Variants in USP34 observed in about 807,000 individuals in gnomAD.
USP34 encodes ubiquitin specific peptidase 34.
Under a neutral mutation model 460.3 loss-of-function variants are expected in USP34, and 70 were observed. That is an observed-to-expected ratio of 0.15 (90% CI 0.13 to 0.19). The LOEUF (loss-of-function observed/expected upper bound fraction) is 0.19, where lower values mean the gene tolerates loss of function less well. Among genes scored for constraint, USP34 ranks in the 10% least tolerant of loss-of-function variants. USP34 has a pLI of 1.00. For synonymous variants in USP34, 1,647 were observed against 1,405.3 expected (o/e 1.17, Z -3.85); for missense variants, 3,985 against 4,236.2 (o/e 0.94, Z 1.65).
At position 61,214,184 on chromosome 2, in the gene USP34, G is replaced by A. The variant is rs770092798; in HGVS notation, c.8558C>T (p.Ala2853Val). ...GCAGAGCCTCAGAATGCCATAGTAC[G>A]CTGGCAGCATCCCACGGTTAAAAAG... The part of the protein sequence containing the change: ...VVLFNRGMLP[A>V]YYGILRLCCE... Residue 2853 changes from alanine to valine, a missense_variant, in exon 68 of 80, where the codon GCG becomes GTG. Physicochemically the swap from Ala to Val is moderately conservative, Grantham distance 64. Around this residue, in one of 14 missense-constraint regions of USP34, gnomAD observed 66 missense variants for 121.2 expected, o/e 0.54. Coordinates refer to ENST00000398571, the MANE Select transcript of USP34 (RefSeq NM_014709.4). 5.0e-6 allele frequency: 8 copies of A among 1,614,172 alleles called. No individual in the cohort carries two copies. Among genetic ancestry groups the A allele is most frequent in the East Asian group, 4.5e-5 (2 of 44,886 alleles).
chr2:61,210,345 G>A (rs904306570), intron 69 of USP34, among the ~76,000 whole-genome samples: 2 of 152,004 alleles, frequency 1.3e-5, no homozygotes, highest in African/African-American at 2.4e-5. Context: ...GTTTAAATAC[G>A]TTTAGATACA....
intron 53 of USP34, among the ~76,000 whole-genome samples, chr2:61,239,332 A>T (rs1321774289): frequency 6.6e-6 from 1 of 151,518 alleles, no homozygotes; most frequent in Admixed American, 6.6e-5. Context: ...ACACACACAC[A>T]CACACACACA....
chr2:61,223,210 G>A, intron 63 of USP34, 38 bp downstream of exon 63: 1 of 1,613,230 alleles, frequency 6.2e-7, no homozygotes, highest in South Asian at 1.1e-5. Context: ...TATTATTTTT[G>A]TGATGATCAA....
At position 61,301,415 on chromosome 2, in the gene USP34, T is replaced by C. The variant is rs1350676367; in HGVS notation, c.3857A>G (p.His1286Arg). Reference sequence around the variant, plus strand: ...TTCATCATAATCTGTTGTTAACTCGTGTCCAGATGAAATCATCCTGACAGG... The same window carrying C: ...TTCATCATAATCTGTTGTTAACTCGCGTCCAGATGAAATCATCCTGACAGG... ...MGPVRMISSG[H>R]ELTTDYDEKA... Residue 1286 changes from histidine to arginine, a missense_variant, in exon 28 of 80, where the codon CAC becomes CGC. This residue lies in a region of USP34 where 1,114 missense variants were observed against 1,122.5 expected (regional missense o/e 0.99). Coordinates refer to ENST00000398571, the MANE Select transcript of USP34 (RefSeq NM_014709.4). 6.8e-6 allele frequency: 11 copies of C among 1,613,948 alleles called. No individual in the cohort carries two copies. The highest frequency in any genetic ancestry group is 1.3e-5 in the African/African-American group (1 of 74,938).
chr2:61,362,336 T>C (rs1324477900), intron 10 of USP34, among the ~76,000 whole-genome samples: 1 of 152,124 alleles, frequency 6.6e-6, no homozygotes, highest in East Asian at 1.9e-4. Flanking sequence ...GAAATCACTA[T>C]CTCAGAGATA....
rs200391830 is a variant in USP34, at chr2:61,311,615, A to C, written c.3742T>G (p.Leu1248Val). Residue 1248 changes from leucine to valine, a missense_variant, in exon 27 of 80, where the codon TTA becomes GTA. By Grantham distance (32) the Leu-to-Val change is conservative. This residue lies in a region of USP34 where 1,114 missense variants were observed against 1,122.5 expected (regional missense o/e 0.99). Transcript: ENST00000398571. ...RAEVTHWYENLQKEQINQQAQ... is the reference protein window; with the variant it reads ...RAEVTHWYENVQKEQINQQAQ... ...TGTTGATTTATTTGTTCTTTCTGTA[A>C]ATTTTCATACCAATGAGTTACTTCA... 240 of 1,613,456 alleles carry C rather than the reference A, an allele frequency of 1.5e-4. No homozygotes were observed. Among genetic ancestry groups the C allele is most frequent in the South Asian group, 4.3e-4 (39 of 90,964 alleles).
At position 61,204,614 on chromosome 2, in the gene USP34, AC is replaced by A; in HGVS notation, c.9155-14del. ...TCCTTGAGGACATCTGAAAATAAAA[AC>A]AAAGTTTGGGTAGCAAAAAATTAAG... On this transcript the variant is annotated splice_polypyrimidine_tract_variant and intron_variant, in intron 72 of 79. Coordinates refer to ENST00000398571, the MANE Select transcript of USP34 (RefSeq NM_014709.4). The A allele has an allele frequency of 6.2e-7, 1 of 1,608,682 alleles. No homozygotes were observed. The highest frequency in any genetic ancestry group is 8.5e-7 in the Non-Finnish European group (1 of 1,177,216).
At position 61,245,302 on chromosome 2, in the gene USP34, T is replaced by G. The variant is rs376658071; in HGVS notation, c.6549-14A>C. On this transcript the variant is annotated splice_polypyrimidine_tract_variant and intron_variant, in intron 50 of 79. Transcript: ENST00000398571. Reference sequence around the variant, plus strand: ...TTAAAAAGATACCTAAAATAGAGCATATAGTATTAATCTAGTATGCATATA... The same window carrying G: ...TTAAAAAGATACCTAAAATAGAGCAGATAGTATTAATCTAGTATGCATATA... 6.4e-7 allele frequency: 1 copy of G among 1,560,540 alleles called. No individual in the cohort carries two copies. Among genetic ancestry groups the G allele is most frequent in the African/African-American group, 1.4e-5 (1 of 72,674 alleles).
chr2:61,312,050 T>TAA, intron 25 of USP34, 140 bp from the exon 26 acceptor site: 1 of 1,038,510 alleles, frequency 9.6e-7, no homozygotes, highest in Non-Finnish European at 1.3e-6. Context: ...CAGCAACAAA[T>TAA]TTAAGTTCAG....
At chr2:61,417,721 TTTTTTTTTTC>T (rs1163227790) in intron 2 of USP34, among the ~76,000 whole-genome samples, 1 of 104,048 alleles carries the variant, frequency 9.6e-6, no homozygotes, top group Non-Finnish European at 2.1e-5. Flanking sequence ...ACTAAAATCT[TTTTTTTTTTC>T]TTTTTTTCTT....
intron 5 of USP34, among the ~76,000 whole-genome samples, chr2:61,392,665 A>G (rs969577279): frequency 6.6e-6 from 1 of 152,198 alleles, no homozygotes; most frequent in Non-Finnish European, 1.5e-5. Context: ...CCTGTAAACG[A>G]TAACTTTTAA....
chr2:61,231,941 C>T (rs1043688844), intron 58 of USP34, among the ~76,000 whole-genome samples: 5 of 150,914 alleles, frequency 3.3e-5, no homozygotes, highest in South Asian at 2.1e-4. Flanking sequence ...AAGTGGCATA[C>T]GTCAACTAAG....
At chr2:61,441,757 T>C (rs1347694927) in intron 1 of USP34, among the ~76,000 whole-genome samples, 1 of 132,506 alleles carries the variant, frequency 7.5e-6, no homozygotes, top group African/African-American at 2.9e-5. Context: ...GCTGTGATGG[T>C]ACCACTGAAC....
At chr2:61,454,075 T>C (rs1389451335) in intron 1 of USP34, among the ~76,000 whole-genome samples, 2 of 152,062 alleles carry the variant, frequency 1.3e-5, no homozygotes, top group Non-Finnish European at 1.5e-5. Context: ...AATCACAAGG[T>C]TTGTATTTCT....
chr2:61,344,769 A>C (rs1691713204), intron 15 of USP34, among the ~76,000 whole-genome samples: 1 of 152,274 alleles, frequency 6.6e-6, no homozygotes, highest in Non-Finnish European at 1.5e-5. Context: ...GAATGTTTGT[A>C]TCTATAATGC....
chr2:61,229,104 A>C, intron 59 of USP34, 109 bp from the exon 60 acceptor site: 1 of 806,452 alleles, frequency 1.2e-6, no homozygotes, highest in Non-Finnish European at 1.8e-6. Context: ...GAGATAATGA[A>C]TATGAACCGC....
chr2:61,296,721 C>CA, intron 30 of USP34, 79 bp downstream of exon 30: 1 of 1,428,688 alleles, frequency 7.0e-7, no homozygotes, highest in Non-Finnish European at 9.4e-7. Flanking sequence ...GGTACATCAA[C>CA]AGGCAATCTT....
chr2:61,197,244 C>A (rs1185184927), intron 75 of USP34, among the ~76,000 whole-genome samples: 1 of 152,154 alleles, frequency 6.6e-6, no homozygotes, highest in Non-Finnish European at 1.5e-5. Context: ...GTACTCCAGC[C>A]TGGGGGACAG....
At chr2:61,327,431 CTTT>C (rs1352628639) in intron 20 of USP34, among the ~76,000 whole-genome samples, 3 of 152,124 alleles carry the variant, frequency 2.0e-5, no homozygotes, top group Admixed American at 6.5e-5. Flanking sequence ...GGCTTCTAGG[CTTT>C]TTAAGTTAAA....
Sources: allele counts gnomAD v4.1 joint callset (sites outside exome capture counted in the v4.1 genomes callset), GRCh38; gene constraint gnomAD v4.1.1; regional missense constraint gnomAD v4.1.1; transcripts MANE v1.5; gene names NCBI Gene and HGNC (gene_info 2026-07-23, HGNC 2026-07-21).